SH3YL1: variants seen among roughly 807,000 people sequenced by gnomAD.
The protein encoded by SH3YL1 is SH3 domain-containing YSC84-like protein 1.
SH3YL1 carries 41 observed loss-of-function variants against 45.8 expected under a neutral mutation model. That is an observed-to-expected ratio of 0.89 (90% CI 0.70 to 1.16). The LOEUF (loss-of-function observed/expected upper bound fraction) is 1.16, where lower values mean the gene tolerates loss of function less well. SH3YL1 is among the 50% of genes most tolerant of loss of function. The pLI, the probability that SH3YL1 is intolerant of heterozygous loss-of-function variation, is 0.00. For missense variants in SH3YL1, 389 were observed against 409.6 expected (o/e 0.95, Z 0.43); for synonymous variants, 152 against 151.4 (o/e 1.00, Z -0.03).
intron 4 of SH3YL1, chr2:243,437 A>G (rs967650414): frequency 4.2e-6 from 6 of 1,434,134 alleles, no homozygotes; most frequent in African/African-American, 2.9e-5. Flanking sequence ...CAAATGGCTC[A>G]AAGAAGAAAT....
chr2:234,086 A>C, intron 5 of SH3YL1, 74 bp downstream of exon 5: 1 of 1,091,974 alleles, frequency 9.2e-7, no homozygotes, highest in South Asian at 1.4e-5. Context: ...TTTTAATTCA[A>C]GTTTCCTATT....
Position 247,596 on chromosome 2 carries a change from G to C in SH3YL1, c.233C>G (p.Ser78Cys). Residue 78 changes from serine to cysteine, a missense_variant, in exon 4 of 10, where the codon TCT becomes TGT. Ser to Cys is a moderately radical substitution (Grantham distance 112). Transcript: ENST00000356150. ...VVARLPDGKW[S>C]APSAIGIAGL... ...AGCTATCCCAATGGCTGAGGGTGCA[G>C]ACCATTCTAATAAAAAAACAAACGA... 6.5e-7 allele frequency: 1 copy of C among 1,550,384 alleles called. No individual in the cohort carries two copies. Among genetic ancestry groups the C allele is most frequent in the Non-Finnish European group, 8.7e-7 (1 of 1,146,556 alleles).
chr2:238,322 T>C (rs777129854), intron 4 of SH3YL1, among the ~76,000 whole-genome samples: 4 of 151,410 alleles, frequency 2.6e-5, no homozygotes, highest in Non-Finnish European at 2.9e-5. Flanking sequence ...AGTCTCAATA[T>C]GTAAACCAAG....
At chr2:244,606 C>T (rs1558245683) in intron 4 of SH3YL1, 2 of 152,070 alleles carry the variant, frequency 1.3e-5, no homozygotes, top group Non-Finnish European at 2.9e-5. Context: ...AATTATTCAA[C>T]AAATATTGGA....
intron 9 of SH3YL1, among the ~76,000 whole-genome samples, chr2:223,106 C>T (rs1250541869): frequency 3.3e-5 from 5 of 152,176 alleles, no homozygotes; most frequent in African/African-American, 1.2e-4. Context: ...TTTACCTTGT[C>T]CTGTCCTCAA....
At chr2:251,754 A>C (rs945765005) in intron 2 of SH3YL1, among the ~76,000 whole-genome samples, 3 of 152,178 alleles carry the variant, frequency 2.0e-5, no homozygotes, top group African/African-American at 7.2e-5. Flanking sequence ...GGCTCTAACA[A>C]GCACCGTTTC....
At chr2:250,964 T>C (rs1174319270) in intron 2 of SH3YL1, among the ~76,000 whole-genome samples, 10 of 152,242 alleles carry the variant, frequency 6.6e-5, no homozygotes, top group Non-Finnish European at 1.2e-4. Context: ...TATTATATGT[T>C]GTGCAGATTT....
At chr2:249,315 C>G (rs1415166173) in intron 3 of SH3YL1, among the ~76,000 whole-genome samples, 1 of 152,150 alleles carries the variant, frequency 6.6e-6, no homozygotes, top group Non-Finnish European at 1.5e-5. Context: ...TGATCTACCA[C>G]AGAAACAAAG....
chr2:234,017 T>C (rs1257098427), intron 5 of SH3YL1, 143 bp downstream of exon 5: 1 of 612,760 alleles, frequency 1.6e-6, no homozygotes, highest in African/African-American at 1.9e-5. Context: ...AATTTCCTAT[T>C]TGTGATGACC....
intron 4 of SH3YL1, 140 bp from the exon 5 acceptor site, chr2:234,412 A>G (rs1668194934): frequency 4.9e-6 from 3 of 610,498 alleles, no homozygotes; most frequent in African/African-American, 1.9e-5. Context: ...GACAAGAGCC[A>G]TATTTTTATT....
At chr2:263,912 T>A in intron 1 of SH3YL1, 72 bp downstream of exon 1, 1 of 1,330,224 alleles carries the variant, frequency 7.5e-7, no homozygotes, top group South Asian at 1.3e-5. Context: ...TTTCCCGTCC[T>A]CCTCCTCCCA....
At chr2:228,349 TCACA>T (rs1667874843) in intron 8 of SH3YL1, among the ~76,000 whole-genome samples, 1 of 152,170 alleles carries the variant, frequency 6.6e-6, no homozygotes, top group African/African-American at 2.4e-5. Context: ...TTTAGAAAGC[TCACA>T]CAAGGGGGTT....
At chr2:231,878 T>A (rs1031662384) in intron 6 of SH3YL1, among the ~76,000 whole-genome samples, 1 of 152,208 alleles carries the variant, frequency 6.6e-6, no homozygotes, top group Non-Finnish European at 1.5e-5. Context: ...TCCCTCCTAT[T>A]TTCTACCTCT....
intron 1 of SH3YL1, among the ~76,000 whole-genome samples, chr2:253,373 T>C (rs1669160944): frequency 6.6e-6 from 1 of 152,156 alleles, no homozygotes; most frequent in African/African-American, 2.4e-5. Context: ...TAAAACAGCA[T>C]GCAGTAAAGG....
chr2:223,953 C>T (rs1474458465), intron 9 of SH3YL1, among the ~76,000 whole-genome samples: 2 of 152,202 alleles, frequency 1.3e-5, no homozygotes, highest in African/African-American at 4.8e-5. Flanking sequence ...ACATGCTGAC[C>T]TCTCTTCAGG....
intron 8 of SH3YL1, among the ~76,000 whole-genome samples, chr2:227,368 T>C (rs113552079): frequency 3.9e-5 from 6 of 152,262 alleles, no homozygotes; most frequent in African/African-American, 1.4e-4. Flanking sequence ...AATTTAGAAG[T>C]ATATCAATTG....
intron 8 of SH3YL1, 196 bp downstream of exon 8, chr2:229,766 TAGAA>T: frequency 2.7e-6 from 1 of 366,272 alleles, no homozygotes; most frequent in South Asian, 5.2e-5. Flanking sequence ...GTCTTATGAA[TAGAA>T]AGAGAAGTTT....
At chr2:264,107 G>A (rs1194462060), upstream of SH3YL1, 3 of 1,287,452 alleles carry the variant, frequency 2.3e-6, no homozygotes, top group African/African-American at 1.6e-5. Flanking sequence ...CGAAGGAGGC[G>A]GCGCAAAACA....
At chr2:230,824 AC>A in intron 7 of SH3YL1, 198 bp downstream of exon 7, 1 of 576,768 alleles carries the variant, frequency 1.7e-6, no homozygotes, top group Non-Finnish European at 3.1e-6. Flanking sequence ...AAATGCAATC[AC>A]AGAGGACAAA....
Sources: gnomAD v4.1 joint callset for allele counts (sites outside exome capture counted in the v4.1 genomes callset) on GRCh38, gnomAD v4.1.1 for gene constraint, MANE v1.5 for transcripts, NCBI Gene and HGNC (gene_info 2026-07-23, HGNC 2026-07-21) for gene names.